Variants in C3orf70 observed in about 807,000 individuals in gnomAD.
C3orf70 encodes UPF0524 protein C3orf70.
A neutral mutation model predicts 20.7 loss-of-function variants in C3orf70; 15 were observed. The ratio of observed to expected loss-of-function variants is 0.72; its 90% confidence interval spans 0.48 to 1.11. C3orf70 has a LOEUF of 1.11. Ranked by LOEUF, C3orf70 falls within the 50% of genes most tolerant of loss-of-function variation. The pLI is 0.00. For missense variants in C3orf70, 332 were observed against 317.6 expected (o/e 1.05, Z -0.34); for synonymous variants, 161 against 125.7 (o/e 1.28, Z -1.88).
chr3:185,087,659 T>C (rs1031552218), intron 1 of C3orf70, among the ~76,000 whole-genome samples: 5 of 152,122 alleles, frequency 3.3e-5, no homozygotes, highest in Admixed American at 6.5e-5. Context: ...GGACTGGGCA[T>C]ACGGGGGGAT....
chr3:185,151,322 C>A (rs1053880635), intron 1 of C3orf70, among the ~76,000 whole-genome samples: 5 of 152,210 alleles, frequency 3.3e-5, no homozygotes, highest in Non-Finnish European at 7.3e-5. Context: ...CGATTCTATA[C>A]TTTCCCACGA....
chr3:185,121,856 T>C (rs1716304581), intron 1 of C3orf70, among the ~76,000 whole-genome samples: 1 of 152,084 alleles, frequency 6.6e-6, no homozygotes, highest in Admixed American at 6.5e-5. Context: ...TCCCAGCGCT[T>C]TGGGAGGCCA....
intron 1 of C3orf70, among the ~76,000 whole-genome samples, chr3:185,083,766 G>A (rs754463345): frequency 6.6e-5 from 10 of 152,128 alleles, no homozygotes; most frequent in East Asian, 1.9e-4. Context: ...AGACTCAATC[G>A]ACTTTCTAAA....
At chr3:185,146,925 C>T (rs1043811022) in intron 1 of C3orf70, among the ~76,000 whole-genome samples, 1 of 152,234 alleles carries the variant, frequency 6.6e-6, no homozygotes, top group Non-Finnish European at 1.5e-5. Context: ...TCTCTCCCTA[C>T]AGAAAATCTA....
intron 1 of C3orf70, 26 bp downstream of exon 1, chr3:185,152,581 CGTCCCCCGGACCGCGGCGGAA>C: frequency 1.3e-6 from 2 of 1,491,446 alleles, no homozygotes; most frequent in Non-Finnish European, 1.8e-6. Context: ...GCCCGGCGGG[CGTCCCCCGGACCGCGGCGGAA>C]GGCGGGAAGA....
At chr3:185,130,500 T>C (rs1186203473) in intron 1 of C3orf70, among the ~76,000 whole-genome samples, 1 of 152,182 alleles carries the variant, frequency 6.6e-6, no homozygotes, top group Non-Finnish European at 1.5e-5. Context: ...CCTTTAAAAG[T>C]ATATACTCAG....
At chr3:185,146,156 T>C (rs1464907370) in intron 1 of C3orf70, among the ~76,000 whole-genome samples, 1 of 152,198 alleles carries the variant, frequency 6.6e-6, no homozygotes, top group Non-Finnish European at 1.5e-5. Flanking sequence ...TGGAAGAACC[T>C]ATCAGCGTTC....
At chr3:185,112,022 G>A (rs1477265110) in intron 1 of C3orf70, among the ~76,000 whole-genome samples, 1 of 152,188 alleles carries the variant, frequency 6.6e-6, no homozygotes, top group Non-Finnish European at 1.5e-5. Context: ...CAGGCGTGGT[G>A]GCTCATGCCT....
intron 1 of C3orf70, among the ~76,000 whole-genome samples, chr3:185,090,666 C>T (rs6773915): frequency 0.93 from 142,246 of 152,240 alleles, 66,504 homozygotes; most frequent in Non-Finnish European, 0.95. Flanking sequence ...GAAAGTAATG[C>T]TAAATATTCT....
chr3:185,095,769 G>C (rs1216712849), intron 1 of C3orf70, among the ~76,000 whole-genome samples: 2 of 114,382 alleles, frequency 1.7e-5, no homozygotes, highest in Non-Finnish European at 3.4e-5. Flanking sequence ...ACGGAGTCTT[G>C]CTCTGTCACC....
chr3:185,126,704 T>C (rs936077010), intron 1 of C3orf70, among the ~76,000 whole-genome samples: 11 of 152,094 alleles, frequency 7.2e-5, no homozygotes, highest in African/African-American at 1.9e-4. Context: ...GGGGAAAAAA[T>C]AGGACTGACT....
intron 1 of C3orf70, among the ~76,000 whole-genome samples, chr3:185,127,681 C>A (rs1168264805): frequency 1.3e-5 from 2 of 152,020 alleles, no homozygotes; most frequent in Admixed American, 1.3e-4. Context: ...CTCAGGTGAT[C>A]CATCCGCCTC....
chr3:185,090,964 A>T (rs1715557126), intron 1 of C3orf70, among the ~76,000 whole-genome samples: 1 of 152,148 alleles, frequency 6.6e-6, no homozygotes, highest in South Asian at 2.1e-4. Flanking sequence ...ACATATTGTA[A>T]AGCAAATCTA....
At chr3:185,137,585 T>C (rs1344253490) in intron 1 of C3orf70, among the ~76,000 whole-genome samples, 1 of 151,968 alleles carries the variant, frequency 6.6e-6, no homozygotes, top group Non-Finnish European at 1.5e-5. Flanking sequence ...TCATACAAAG[T>C]AGAATCAAGC....
chr3:185,093,781 G>A (rs377720177), intron 1 of C3orf70, among the ~76,000 whole-genome samples: 7 of 151,952 alleles, frequency 4.6e-5, no homozygotes, highest in African/African-American at 9.7e-5. Flanking sequence ...AATGGGGGGC[G>A]GGGGGACGTA....
chr3:185,087,986 G>A (rs1577317487), intron 1 of C3orf70, among the ~76,000 whole-genome samples: 3 of 149,242 alleles, frequency 2.0e-5, no homozygotes, highest in African/African-American at 5.0e-5. Context: ...ATCTTGGCTC[G>A]CCGCAACCTC....
In C3orf70 at chr3:185,109,589, G is replaced by T. The variant is rs184876611; in HGVS notation, c.197-26026C>A. Among the ~76,000 whole-genome samples, 3 of 152,300 alleles carry T rather than the reference G, an allele frequency of 2.0e-5. No homozygotes were observed. In the East Asian group the frequency reaches 5.8e-4, roughly 29 times the overall value. On this transcript the variant is annotated intron_variant, in intron 1 of 1. Transcript: ENST00000335012. Reference sequence around the variant, plus strand: ...GCAGAAGAAAACCGGAGGAAAGGGGGACAGTCAGTCACAATGAATAATTTA... The same window carrying T: ...GCAGAAGAAAACCGGAGGAAAGGGGTACAGTCAGTCACAATGAATAATTTA...
At chr3:185,121,691 G>A (rs1417757129) in intron 1 of C3orf70, among the ~76,000 whole-genome samples, 2 of 152,150 alleles carry the variant, frequency 1.3e-5, no homozygotes, top group African/African-American at 4.8e-5. Flanking sequence ...AGTAAGGCTA[G>A]GTCAGACAGG....
At chr3:185,122,098 CAAAA>C (rs759419036) in intron 1 of C3orf70, among the ~76,000 whole-genome samples, 2 of 59,030 alleles carry the variant, frequency 3.4e-5, no homozygotes, top group Non-Finnish European at 3.7e-5. Context: ...GACTCCGTCT[CAAAA>C]AAAAAAAAAA....
Sources: gnomAD v4.1 joint callset for allele counts (sites outside exome capture counted in the v4.1 genomes callset) on GRCh38, gnomAD v4.1.1 for gene constraint, MANE v1.5 for transcripts, NCBI Gene and HGNC (gene_info 2026-07-23, HGNC 2026-07-21) for gene names.